The following SLC9C1 variants were observed in gnomAD, a reference collection of about 807,000 sequenced individuals.
SLC9C1 encodes the protein solute carrier family 9 member C1, also known as sodium/hydrogen exchanger 10.
A neutral mutation model predicts 140.9 loss-of-function variants in SLC9C1; 97 were observed. The observed-to-expected ratio is 0.69, with a 90% CI of 0.58 to 0.82. The LOEUF (loss-of-function observed/expected upper bound fraction) is 0.82. Ranked by LOEUF, SLC9C1 falls within the 40% of genes least tolerant of loss-of-function variation. The pLI, the probability that SLC9C1 is intolerant of heterozygous loss-of-function variation, is 0.00. For synonymous variants in SLC9C1, 440 were observed against 442.6 expected (o/e 0.99, Z 0.07); for missense variants, 1,340 against 1,389.3 (o/e 0.96, Z 0.56).
chr3:112,268,283 T>C (rs1044414201), intron 7 of SLC9C1, among the ~76,000 whole-genome samples: 5 of 152,208 alleles, frequency 3.3e-5, no homozygotes, highest in Non-Finnish European at 5.9e-5. Context: ...ATATTATAAT[T>C]GAATTTAATC....
Position 112,280,741 on chromosome 3 carries a change from GGGACA to G in SLC9C1, c.126_130del (p.Val43CysfsTer11), listed in dbSNP as rs770241911. The G allele has an allele frequency of 5.0e-6, 8 of 1,611,984 alleles. No individual in the cohort carries two copies. Among genetic ancestry groups the G allele is most frequent in the Non-Finnish European group, 6.8e-6 (8 of 1,179,488 alleles). On this transcript the variant is annotated frameshift_variant, in exon 3 of 29. Transcript: ENST00000305815. LOFTEE classifies it high-confidence loss of function. ...GCATCCAAGTAAAAATAATATCACAGGGACAGGAATTGGAAAGTCTTCCAAGTGCC... is the reference window on the plus strand; with the variant it reads ...GCATCCAAGTAAAAATAATATCACAGGGAATTGGAAAGTCTTCCAAGTGCC...
At chr3:112,270,735 G>A (rs1225489949) in intron 6 of SLC9C1, among the ~76,000 whole-genome samples, 1 of 152,146 alleles carries the variant, frequency 6.6e-6, no homozygotes, top group African/African-American at 2.4e-5. Context: ...AGAATAGCTT[G>A]AATCTGGGAG....
intron 26 of SLC9C1, among the ~76,000 whole-genome samples, chr3:112,157,351 G>A (rs535850439): frequency 6.6e-6 from 1 of 152,070 alleles, no homozygotes; most frequent in South Asian, 2.1e-4. Flanking sequence ...TTATTTCTGG[G>A]TTCTTTATTC....
chr3:112,279,993 T>C (rs1576515520), intron 3 of SLC9C1, among the ~76,000 whole-genome samples: 1 of 152,348 alleles, frequency 6.6e-6, no homozygotes, highest in East Asian at 1.9e-4. Context: ...GTAAAGCTTA[T>C]AGAAGTACTT....
chr3:112,228,157 C>A (rs2078730055), intron 13 of SLC9C1, among the ~76,000 whole-genome samples: 1 of 152,124 alleles, frequency 6.6e-6, no homozygotes, highest in South Asian at 2.1e-4. Flanking sequence ...CTACAACCAA[C>A]AAGCTATAGC....
chr3:112,164,154 G>A (rs1372062562), intron 26 of SLC9C1, among the ~76,000 whole-genome samples: 1 of 151,748 alleles, frequency 6.6e-6, no homozygotes, highest in Non-Finnish European at 1.5e-5. Context: ...TTTATTTGGA[G>A]CCTATGTGTG....
intron 23 of SLC9C1, among the ~76,000 whole-genome samples, chr3:112,170,267 C>G (rs563943647): frequency 1.3e-5 from 2 of 152,242 alleles, no homozygotes; most frequent in African/African-American, 4.8e-5. Flanking sequence ...GCAAACTATG[C>G]GTCTGACAAT....
chr3:112,160,722 A>G (rs915304879), intron 26 of SLC9C1, among the ~76,000 whole-genome samples: 1 of 151,190 alleles, frequency 6.6e-6, no homozygotes, highest in African/African-American at 2.4e-5. Context: ...TAATGCCGCA[A>G]TAAACATACG....
chr3:112,151,751 GCTATAATTCACACTATCA>G (rs2074986917), intron 28 of SLC9C1, 88 bp downstream of exon 28: 1 of 798,400 alleles, frequency 1.3e-6, no homozygotes, highest in East Asian at 2.5e-5. Context: ...AGTGGAAAGA[GCTATAATTCACACTATCA>G]CATAAAGGGC....
At chr3:112,156,430 CTT>C (rs1199447252) in intron 26 of SLC9C1, among the ~76,000 whole-genome samples, 5 of 152,126 alleles carry the variant, frequency 3.3e-5, no homozygotes, top group Non-Finnish European at 7.4e-5. Flanking sequence ...TTGATGAACA[CTT>C]ATGTTGATTT....
chr3:112,192,121 T>C (rs961556116), intron 20 of SLC9C1, among the ~76,000 whole-genome samples: 1 of 152,090 alleles, frequency 6.6e-6, no homozygotes, highest in Non-Finnish European at 1.5e-5. Context: ...ATTTTAACTA[T>C]TTTAAATGGC....
chr3:112,166,052 C>A (rs951443725), intron 26 of SLC9C1, among the ~76,000 whole-genome samples: 1 of 55,592 alleles, frequency 1.8e-5, no homozygotes, highest in African/African-American at 4.9e-5. Context: ...GCTCCGTGGT[C>A]GTAGGACCCT....
chr3:112,185,599 C>G (rs1264493405), intron 20 of SLC9C1: 4 of 1,601,018 alleles, frequency 2.5e-6, no homozygotes, highest in East Asian at 2.2e-5. Flanking sequence ...AGGGCTCGCC[C>G]GAAGCCCTCT....
chr3:112,185,627 C>T, intron 20 of SLC9C1: 1 of 1,579,984 alleles, frequency 6.3e-7, no homozygotes, highest in Non-Finnish European at 8.6e-7. Flanking sequence ...GGGGCAGGCT[C>T]CTGACCCGGA....
intron 13 of SLC9C1, among the ~76,000 whole-genome samples, chr3:112,226,923 TAAC>T (rs960586580): frequency 1.3e-5 from 2 of 151,572 alleles, no homozygotes; most frequent in Non-Finnish European, 2.9e-5. Flanking sequence ...AAGAAAAAAT[TAAC>T]AAACCATTAG....
intron 3 of SLC9C1, among the ~76,000 whole-genome samples, chr3:112,279,208 A>G (rs2080296231): frequency 6.6e-6 from 1 of 152,190 alleles, no homozygotes; most frequent in African/African-American, 2.4e-5. Context: ...CTACTGTGTT[A>G]GGTAATATCT....
chr3:112,231,898 CTG>C (rs2078839954), intron 12 of SLC9C1, among the ~76,000 whole-genome samples: 1 of 152,116 alleles, frequency 6.6e-6, no homozygotes, highest in Admixed American at 6.6e-5. Flanking sequence ...GGGCGTCAAT[CTG>C]TGTTTCTAAA....
chr3:112,149,018 GC>G (rs2074882708), intron 28 of SLC9C1, among the ~76,000 whole-genome samples: 3 of 152,072 alleles, frequency 2.0e-5, no homozygotes, highest in Admixed American at 2.0e-4. Flanking sequence ...AGCAGAGATG[GC>G]CCCCCTGCAC....
chr3:112,238,392 A>G (rs923359656), intron 12 of SLC9C1, among the ~76,000 whole-genome samples: 1 of 152,078 alleles, frequency 6.6e-6, no homozygotes. Flanking sequence ...CTTCTCTGCG[A>G]TGGGTTCGAA....
Sources: allele counts gnomAD v4.1 joint callset (sites outside exome capture counted in the v4.1 genomes callset), GRCh38; gene constraint gnomAD v4.1.1; transcripts MANE v1.5; gene names NCBI Gene and HGNC (gene_info 2026-07-23, HGNC 2026-07-21).